The following EDA variants were observed in gnomAD, a reference collection of about 807,000 sequenced individuals.
The protein encoded by EDA is ectodysplasin-A.
In EDA, 2 loss-of-function variants were observed where a neutral mutation model predicts 23.6. The observed-to-expected ratio is 0.08, with a 90% confidence interval of 0.03 to 0.27. The LOEUF (loss-of-function observed/expected upper bound fraction) is 0.27, where lower values mean the gene tolerates loss of function less well. Ranked by LOEUF, EDA falls within the 10% of genes least tolerant of loss-of-function variation. The probability of loss-of-function intolerance (pLI) is 1.00; values close to 1 mark genes in which losing one functional copy is unlikely to be tolerated. For synonymous variants in EDA, 131 were observed against 132.0 expected (o/e 0.99, Z 0.05); for missense variants, 229 against 324.2 (o/e 0.71, Z 2.26).
chrX:69,663,663 C>G (rs770292567), intron 1 of EDA, among the ~76,000 whole-genome samples: 47 of 112,054 alleles, frequency 4.2e-4, no homozygotes, highest in Non-Finnish European at 7.5e-4. Context: ...CACTGTCCTC[C>G]AGACCCCAGA....
intron 1 of EDA, among the ~76,000 whole-genome samples, chrX:69,867,292 G>A (rs928091313): frequency 8.9e-6 from 1 of 111,949 alleles, no homozygotes; most frequent in Non-Finnish European, 1.9e-5. Flanking sequence ...CACAGAATGA[G>A]TCATCCTATT....
intron 1 of EDA, among the ~76,000 whole-genome samples, chrX:69,944,715 T>C (rs2018809895): frequency 8.9e-6 from 1 of 111,955 alleles, no homozygotes; most frequent in Non-Finnish European, 1.9e-5. Context: ...TCCAAGCTGC[T>C]GTCTCCAAAC....
intron 1 of EDA, among the ~76,000 whole-genome samples, chrX:69,864,548 A>G (rs966525689): frequency 1.8e-5 from 2 of 111,871 alleles, no homozygotes; most frequent in Non-Finnish European, 3.8e-5. Context: ...GGACAAAACA[A>G]TGTTCTTTAA....
intron 2 of EDA, among the ~76,000 whole-genome samples, chrX:70,020,195 A>G (rs896076481): frequency 2.7e-5 from 3 of 111,895 alleles, no homozygotes; most frequent in African/African-American, 9.7e-5. Flanking sequence ...AGCTTTTCAC[A>G]CCCTTTGACC....
chrX:69,943,486 C>T (rs949669443), intron 1 of EDA, among the ~76,000 whole-genome samples: 10 of 111,404 alleles, frequency 9.0e-5, no homozygotes, highest in African/African-American at 3.3e-4. Context: ...AATTGCCATA[C>T]AGAGACTCTT....
At chrX:69,666,884 G>A (rs1933700728) in intron 1 of EDA, among the ~76,000 whole-genome samples, 2 of 111,203 alleles carry the variant, frequency 1.8e-5, no homozygotes, top group Admixed American at 1.9e-4. Flanking sequence ...TTCTTTGAGT[G>A]TTTGGTAGAA....
chrX:69,648,571 G>A (rs1173925853), intron 1 of EDA, among the ~76,000 whole-genome samples: 1 of 112,441 alleles, frequency 8.9e-6, no homozygotes. Context: ...TGAGTCTACG[G>A]ATCAGCAGAG....
chrX:69,958,143 G>T (rs759778356), intron 2 of EDA, among the ~76,000 whole-genome samples: 1 of 111,752 alleles, frequency 8.9e-6, no homozygotes, highest in African/African-American at 3.2e-5. Context: ...CCTGGGCAGG[G>T]TCTTTGAATT....
chrX:69,715,632 A>T (rs1306534938), intron 1 of EDA, among the ~76,000 whole-genome samples: 3 of 110,501 alleles, frequency 2.7e-5, no homozygotes, highest in Non-Finnish European at 3.8e-5. Flanking sequence ...GCTGGGTCAA[A>T]TGGTAGTTCT....
At chrX:69,854,799 T>G (rs1296063062) in intron 1 of EDA, among the ~76,000 whole-genome samples, 2 of 111,953 alleles carry the variant, frequency 1.8e-5, no homozygotes, top group African/African-American at 3.3e-5. Flanking sequence ...ATAGAACAAT[T>G]TATATTCCTT....
At chrX:70,035,249 G>A in intron 7 of EDA, 109 bp from the exon 8 acceptor site, 2 of 928,075 alleles carry the variant, frequency 2.2e-6, no homozygotes, top group Non-Finnish European at 3.0e-6. Flanking sequence ...CCCATCCATG[G>A]GGTATACTAA....
chrX:69,996,792 A>G (rs1569396813), intron 2 of EDA, among the ~76,000 whole-genome samples: 1 of 111,578 alleles, frequency 9.0e-6, no homozygotes, highest in Non-Finnish European at 1.9e-5. Flanking sequence ...GAATCATGGG[A>G]GCAGTTTCCC....
intron 1 of EDA, among the ~76,000 whole-genome samples, chrX:69,682,149 G>T (rs1175865489): frequency 2.7e-5 from 3 of 112,411 alleles, no homozygotes; most frequent in Admixed American, 9.4e-5. Flanking sequence ...CAGGGGTCAG[G>T]GACCCGCTTG....
At chrX:69,752,027 G>T (rs1365535388) in intron 1 of EDA, among the ~76,000 whole-genome samples, 2 of 110,941 alleles carry the variant, frequency 1.8e-5, no homozygotes, top group Non-Finnish European at 3.8e-5. Context: ...TGCAAACAGG[G>T]ACAATTTGAC....
chrX:69,816,965 A>G (rs2016095040), intron 1 of EDA, among the ~76,000 whole-genome samples: 1 of 111,317 alleles, frequency 9.0e-6, no homozygotes, highest in Admixed American at 9.6e-5. Flanking sequence ...AGCCAGAGAA[A>G]AAGGCCAGGT....
intron 7 of EDA, among the ~76,000 whole-genome samples, chrX:70,033,873 A>G (rs2020231978): frequency 8.9e-6 from 1 of 111,767 alleles, no homozygotes. Flanking sequence ...ACTTGGTCTC[A>G]GTACATTCTT....
At chrX:69,903,560 C>G (rs1250161126) in intron 1 of EDA, among the ~76,000 whole-genome samples, 1 of 103,884 alleles carries the variant, frequency 9.6e-6, no homozygotes, top group Non-Finnish European at 2.0e-5. Context: ...TCCATCATCA[C>G]CCCTACCAGG....
intron 1 of EDA, among the ~76,000 whole-genome samples, chrX:69,673,024 G>T (rs1263605309): frequency 9.0e-6 from 1 of 111,551 alleles, no homozygotes; most frequent in Admixed American, 9.5e-5. Context: ...CTATAACTTG[G>T]CTACTGGAGA....
intron 2 of EDA, among the ~76,000 whole-genome samples, chrX:70,009,828 C>T (rs781199899): frequency 1.8e-5 from 2 of 111,694 alleles, no homozygotes; most frequent in Non-Finnish European, 3.8e-5. Flanking sequence ...CTCAGGTGAT[C>T]TGCCCGTCTC....
Sources: gnomAD v4.1 joint callset for allele counts (sites outside exome capture counted in the v4.1 genomes callset) on GRCh38, gnomAD v4.1.1 for gene constraint, MANE v1.5 for transcripts, NCBI Gene and HGNC (gene_info 2026-07-23, HGNC 2026-07-21) for gene names.